The following FRMD6 variants were observed in gnomAD, a reference collection of about 807,000 sequenced individuals.
FRMD6 encodes FERM domain containing 6.
FRMD6 carries 37 observed loss-of-function variants against 73.2 expected under a neutral mutation model. The ratio of observed to expected loss-of-function variants is 0.51; its 90% CI spans 0.39 to 0.66. The LOEUF (loss-of-function observed/expected upper bound fraction) is 0.66, where lower values mean the gene tolerates loss of function less well. Among genes scored for constraint, FRMD6 ranks in the 30% least tolerant of loss-of-function variants. FRMD6 has a pLI of 0.00. For synonymous variants in FRMD6, 273 were observed against 282.2 expected (o/e 0.97, Z 0.33); for missense variants, 714 against 780.5 (o/e 0.91, Z 1.02).
chr14:51,480,277 G>T, the FRMD6 span, among the ~76,000 whole-genome samples: 1 of 152,162 alleles, frequency 6.6e-6, no homozygotes, highest in Non-Finnish European at 1.5e-5. Context: ...CTAACACAGG[G>T]TATACGTACA....
At chr14:51,685,141 C>T (rs183529324) in intron 1 of FRMD6, among the ~76,000 whole-genome samples, 18 of 152,242 alleles carry the variant, frequency 1.2e-4, no homozygotes, top group East Asian at 9.7e-4. Context: ...GTAGTAAATG[C>T]TAGCTATCAT....
chr14:51,612,276 A>G (rs950562864), intron 2 of FRMD6, among the ~76,000 whole-genome samples: 2 of 152,232 alleles, frequency 1.3e-5, no homozygotes, highest in Non-Finnish European at 2.9e-5. Flanking sequence ...TAGAGTAGCT[A>G]GTAATTCACA....
At position 51,701,568 on chromosome 14, in the gene FRMD6, T is replaced by C. The variant is rs1326700814; in HGVS notation, c.294+409T>C. Among the ~76,000 whole-genome samples the C allele has an allele frequency of 3.4e-5, 5 of 146,850 alleles. No individual in the cohort carries two copies. The East Asian group carries it at 5.9e-4, about 17-fold the overall frequency. ...TACTTAGTATATATAGTAGAAAATA[T>C]AGTATAGTATATAAAGTATATATAG... On this transcript the variant is annotated intron_variant, in intron 4 of 13. Coordinates refer to ENST00000344768, the MANE Select transcript of FRMD6 (RefSeq NM_001267046.2).
At chr14:51,647,789 C>T (rs1566525919), upstream of FRMD6, among the ~76,000 whole-genome samples, 1 of 152,144 alleles carries the variant, frequency 6.6e-6, no homozygotes, top group South Asian at 2.1e-4. Context: ...TTAAAACATA[C>T]TCTGAATGCT....
At chr14:51,651,718 G>C (rs1186131195), upstream of FRMD6, 4 of 151,434 alleles carry the variant, frequency 2.6e-5, no homozygotes, top group Middle Eastern at 3.2e-3. Context: ...CGGGGCGGGC[G>C]GGCGCTCCCC....
At chr14:51,639,271 T>C (rs1891714442) in intron 2 of FRMD6, among the ~76,000 whole-genome samples, 1 of 151,912 alleles carries the variant, frequency 6.6e-6, no homozygotes, top group Admixed American at 6.6e-5. Context: ...CTGTCTCTAC[T>C]AAAAATACAA....
intron 2 of FRMD6, among the ~76,000 whole-genome samples, chr14:51,582,994 T>C (rs1327054141): frequency 6.6e-6 from 1 of 152,210 alleles, no homozygotes; most frequent in African/African-American, 2.4e-5. Flanking sequence ...TTCTCGCCTT[T>C]CCTGCAATAA....
intron 1 of FRMD6, among the ~76,000 whole-genome samples, chr14:51,679,555 C>CTTTTTTT (rs61250963): frequency 3.6e-4 from 44 of 120,572 alleles, no homozygotes; most frequent in African/African-American, 6.6e-4. Context: ...CATTTGTTTT[C>CTTTTTTT]TTTTTTTTTT....
chr14:51,472,547 C>T, the FRMD6 span, among the ~76,000 whole-genome samples: 2 of 152,162 alleles, frequency 1.3e-5, no homozygotes, highest in Non-Finnish European at 2.9e-5. Context: ...TCGTGATCTG[C>T]CCACCTCAGC....
the FRMD6 span, among the ~76,000 whole-genome samples, chr14:51,457,758 T>C: frequency 1.3e-5 from 2 of 152,178 alleles, no homozygotes; most frequent in Admixed American, 1.3e-4. Context: ...TAGAGCAAAA[T>C]GATTGGCTTA....
the FRMD6 span, among the ~76,000 whole-genome samples, chr14:51,412,642 G>C: frequency 6.6e-6 from 1 of 152,032 alleles, no homozygotes; most frequent in African/African-American, 2.4e-5. Flanking sequence ...ACGAGGTCAG[G>C]AGATCAAGAC....
intron 1 of FRMD6, among the ~76,000 whole-genome samples, chr14:51,542,300 C>T (rs761632825): frequency 6.5e-4 from 99 of 152,040 alleles, no homozygotes; most frequent in Non-Finnish European, 1.3e-3. Context: ...CTCTCCTACC[C>T]GCAGTCTGAC....
intron 1 of FRMD6, among the ~76,000 whole-genome samples, chr14:51,548,790 A>G (rs1886616499): frequency 6.6e-6 from 1 of 152,224 alleles, no homozygotes; most frequent in South Asian, 2.1e-4. Context: ...TCAGAAGTCC[A>G]TACTTACTGA....
At chr14:51,520,036 A>G (rs1884857083) in intron 1 of FRMD6, among the ~76,000 whole-genome samples, 1 of 152,234 alleles carries the variant, frequency 6.6e-6, no homozygotes, top group South Asian at 2.1e-4. Context: ...TGAAAAGGCA[A>G]ACAACAAAAT....
intron 1 of FRMD6, among the ~76,000 whole-genome samples, chr14:51,564,757 A>G (rs1235068497): frequency 6.6e-6 from 1 of 152,238 alleles, no homozygotes; most frequent in Non-Finnish European, 1.5e-5. Context: ...GGGTGACTTC[A>G]CTTACATGTA....
chr14:51,574,198 A>T (rs1888288549), intron 2 of FRMD6, among the ~76,000 whole-genome samples: 1 of 152,052 alleles, frequency 6.6e-6, no homozygotes, highest in Non-Finnish European at 1.5e-5. Context: ...GACCTTAGCC[A>T]CCACCTTTTC....
intron 10 of FRMD6, chr14:51,717,247 A>T (rs1897288926): frequency 6.6e-6 from 1 of 152,172 alleles, no homozygotes. Flanking sequence ...TTATTTCCTC[A>T]CAGTTCTAGA....
At chr14:51,691,204 ATTG>A (rs1248732737) in intron 2 of FRMD6, among the ~76,000 whole-genome samples, 1 of 152,116 alleles carries the variant, frequency 6.6e-6, no homozygotes, top group Non-Finnish European at 1.5e-5. Context: ...TTTCTTTTAC[ATTG>A]TTGTGTGATA....
At chr14:51,512,086 G>A (rs935942319) in intron 1 of FRMD6, among the ~76,000 whole-genome samples, 2 of 152,064 alleles carry the variant, frequency 1.3e-5, no homozygotes, top group African/African-American at 2.4e-5. Context: ...TAGAAATGAA[G>A]ACGGCTAACT....
Sources: allele counts gnomAD v4.1 joint callset (sites outside exome capture counted in the v4.1 genomes callset), GRCh38; gene constraint gnomAD v4.1.1; transcripts MANE v1.5; gene names NCBI Gene and HGNC (gene_info 2026-07-23, HGNC 2026-07-21).